The following EML4 variants were observed in gnomAD, a reference collection of about 807,000 sequenced individuals.
The protein encoded by EML4 is echinoderm microtubule-associated protein-like 4.
In EML4, 72 loss-of-function variants were observed where a neutral mutation model predicts 129.0. That is an observed-to-expected ratio of 0.56 (90% CI 0.46 to 0.68). The LOEUF (loss-of-function observed/expected upper bound fraction) is 0.68, where lower values mean the gene tolerates loss of function less well. Ranked by LOEUF, EML4 falls within the 30% of genes least tolerant of loss-of-function variation. The pLI is 0.00. For missense variants in EML4, 1,363 were observed against 1,190.6 expected (o/e 1.14, Z -2.13); for synonymous variants, 532 against 405.0 (o/e 1.31, Z -3.77).
chr2:42,278,633 G>T (rs1572677333), intron 6 of EML4, among the ~76,000 whole-genome samples: 1 of 136,736 alleles, frequency 7.3e-6, no homozygotes. Flanking sequence ...ATTTTCTTTT[G>T]TAAAAGATGT....
chr2:42,321,430 A>G (rs973887409), intron 19 of EML4, among the ~76,000 whole-genome samples: 3 of 152,090 alleles, frequency 2.0e-5, no homozygotes, highest in African/African-American at 7.2e-5. Flanking sequence ...CATCAGGGAT[A>G]TGGTCTCATT....
intron 1 of EML4, among the ~76,000 whole-genome samples, chr2:42,222,823 G>A (rs189930801): frequency 6.7e-6 from 1 of 148,672 alleles, no homozygotes; most frequent in Non-Finnish European, 1.5e-5. Context: ...TTTTGAGATG[G>A]AGTCTCGCTT....
intron 1 of EML4, among the ~76,000 whole-genome samples, chr2:42,238,041 C>T (rs1674784551): frequency 6.6e-6 from 1 of 152,184 alleles, no homozygotes; most frequent in African/African-American, 2.4e-5. Context: ...GTTCAGTATA[C>T]ACTTTATTTC....
rs911264626 is a variant in EML4, at chr2:42,261,168, A to T, written c.386A>T (p.Lys129Ile). ...AAACCACAAGGACAGAGAGAAAAAA[A>T]AGAGGAATCTCATTCTAATGATCAA... ...KEKPQGQREK[K>I]EESHSNDQSP... Residue 129 changes from lysine to isoleucine, a missense_variant, in exon 4 of 23, where the codon AAA (lysine) becomes ATA (isoleucine). Lys to Ile is a moderately radical substitution (Grantham distance 102, BLOSUM62 -3). Coordinates refer to ENST00000318522, the MANE Select transcript of EML4 (RefSeq NM_019063.5). 6.2e-7 allele frequency: 1 copy of T among 1,613,856 alleles called. No homozygotes were observed. The highest frequency in any genetic ancestry group is 8.5e-7 in the Non-Finnish European group (1 of 1,179,856).
chr2:42,177,621 TCAAA>T (rs1395815988), intron 1 of EML4, among the ~76,000 whole-genome samples: 1 of 152,174 alleles, frequency 6.6e-6, no homozygotes, highest in Non-Finnish European at 1.5e-5. Flanking sequence ...AGACCCCGTC[TCAAA>T]CAAGCAAACA....
At chr2:42,253,107 T>C (rs1572631773) in intron 2 of EML4, among the ~76,000 whole-genome samples, 1 of 152,276 alleles carries the variant, frequency 6.6e-6, no homozygotes, top group East Asian at 1.9e-4. Context: ...AGAAGGATCA[T>C]CCAGGTGCAG....
intron 2 of EML4, among the ~76,000 whole-genome samples, chr2:42,254,818 A>T (rs957924836): frequency 6.6e-6 from 1 of 152,246 alleles, no homozygotes; most frequent in African/African-American, 2.4e-5. Flanking sequence ...ACAGGTGGTT[A>T]TATGAAAAAT....
At chr2:42,314,918 T>C (rs537790520) in intron 17 of EML4, among the ~76,000 whole-genome samples, 17 of 152,374 alleles carry the variant, frequency 1.1e-4, no homozygotes, top group Non-Finnish European at 1.5e-4. Flanking sequence ...TTTAAGTCGT[T>C]GTTTTACGTC....
At chr2:42,291,312 A>G (rs748349285) in intron 11 of EML4, among the ~76,000 whole-genome samples, 9 of 152,180 alleles carry the variant, frequency 5.9e-5, no homozygotes, top group Non-Finnish European at 8.8e-5. Context: ...ACACCTTTAT[A>G]AGTAGATTTC....
At chr2:42,307,452 C>T (rs1294355805) in intron 17 of EML4, among the ~76,000 whole-genome samples, 1 of 152,106 alleles carries the variant, frequency 6.6e-6, no homozygotes, top group Non-Finnish European at 1.5e-5. Context: ...CTGTATGTAA[C>T]TCCTGTCTTT....
chr2:42,276,372 G>A (rs964602979), intron 6 of EML4, among the ~76,000 whole-genome samples: 2 of 152,052 alleles, frequency 1.3e-5, no homozygotes, highest in African/African-American at 4.8e-5. Context: ...GATGGGGTAT[G>A]GGGTATTCGA....
At position 42,330,083 on chromosome 2, in the gene EML4, A is replaced by G; in HGVS notation, c.2822A>G (p.Glu941Gly). Residue 941 changes from glutamate (E) to glycine (G), a missense_variant, in exon 23 of 23, where the codon GAG becomes GGG. Physicochemically the swap from Glu to Gly is moderately conservative, Grantham distance 98 (BLOSUM62 -2). Transcript: ENST00000318522. ...CCAAGTGAAGACCACAGCGAGGAGG[A>G]GAGTGAAGAGGGCAGCGGAGACCTT... ...VEPSEDHSEEESEEGSGDLGE... is the reference protein window; with the variant it reads ...VEPSEDHSEEGSEEGSGDLGE... 6.2e-7 allele frequency: 1 copy of G among 1,613,076 alleles called. No individual in the cohort carries two copies. Among genetic ancestry groups the G allele is most frequent in the Non-Finnish European group, 8.5e-7 (1 of 1,179,890 alleles).
At chr2:42,197,255 G>C (rs941084961) in intron 1 of EML4, among the ~76,000 whole-genome samples, 5 of 151,984 alleles carry the variant, frequency 3.3e-5, no homozygotes, top group Admixed American at 2.0e-4. Context: ...GTAGAGATGG[G>C]GTTTTGCCAT....
At chr2:42,193,283 C>G (rs781660419) in intron 1 of EML4, among the ~76,000 whole-genome samples, 1 of 152,158 alleles carries the variant, frequency 6.6e-6, no homozygotes, top group African/African-American at 2.4e-5. Flanking sequence ...TAAGTACATT[C>G]TGTGATTTTG....
At chr2:42,229,931 A>G (rs1416330339) in intron 1 of EML4, among the ~76,000 whole-genome samples, 1 of 152,076 alleles carries the variant, frequency 6.6e-6, no homozygotes, top group Non-Finnish European at 1.5e-5. Context: ...ATTCAGAGAA[A>G]GAAAAAAACC....
intron 6 of EML4, among the ~76,000 whole-genome samples, chr2:42,268,083 C>T (rs1666163569): frequency 1.3e-5 from 2 of 152,132 alleles, no homozygotes; most frequent in South Asian, 4.1e-4. Flanking sequence ...ATGATACTGC[C>T]ATTAAGGTCA....
At chr2:42,303,585 A>C in intron 16 of EML4, 139 bp downstream of exon 16, 1 of 949,736 alleles carries the variant, frequency 1.1e-6, no homozygotes, top group Non-Finnish European at 1.6e-6. Flanking sequence ...GGGTGGAGAT[A>C]AGAGGGTAGC....
At chr2:42,265,977 C>G (rs1666041489) in intron 6 of EML4, among the ~76,000 whole-genome samples, 2 of 152,190 alleles carry the variant, frequency 1.3e-5, no homozygotes, top group Non-Finnish European at 2.9e-5. Context: ...GCATGCTGTT[C>G]TTAATGAAAG....
At chr2:42,173,320 T>C (rs992116139) in intron 1 of EML4, among the ~76,000 whole-genome samples, 4 of 152,182 alleles carry the variant, frequency 2.6e-5, no homozygotes, top group African/African-American at 9.7e-5. Context: ...TTTAAACTTT[T>C]TTTATTGGTT....
Sources: gnomAD v4.1 joint callset for allele counts (sites outside exome capture counted in the v4.1 genomes callset) on GRCh38, gnomAD v4.1.1 for gene constraint, MANE v1.5 for transcripts, NCBI Gene and HGNC (gene_info 2026-07-23, HGNC 2026-07-21) for gene names.